The following LAMB3 variants were observed in gnomAD, a reference collection of about 807,000 sequenced individuals.
The protein encoded by LAMB3 is laminin subunit beta 3.
A neutral mutation model predicts 140.3 loss-of-function variants in LAMB3; 104 were observed. The observed-to-expected ratio is 0.74, with a 90% CI of 0.63 to 0.87. The LOEUF is 0.87. Among genes scored for constraint, LAMB3 ranks in the 40% least tolerant of loss-of-function variants. The probability of loss-of-function intolerance (pLI) is 0.00; values close to 1 mark genes in which losing one functional copy is unlikely to be tolerated. For missense variants in LAMB3, 1,531 were observed against 1,575.2 expected, an observed-to-expected ratio of 0.97 and a Z score of 0.47; for synonymous variants, 592 against 602.9, an observed-to-expected ratio of 0.98 and a Z score of 0.26.
chr1:209,620,839 G>A (rs1229908852), intron 18 of LAMB3, among the ~76,000 whole-genome samples: 3 of 152,198 alleles, frequency 2.0e-5, no homozygotes, highest in South Asian at 2.1e-4. Flanking sequence ...TGGGAAAGGC[G>A]ATGTTTCCTC....
chr1:209,634,675 T>G (rs1343260411), intron 5 of LAMB3, 37 bp from the exon 6 acceptor site: 1 of 1,546,910 alleles, frequency 6.5e-7, no homozygotes, highest in Non-Finnish European at 8.9e-7. Flanking sequence ...GGGGAGGCAC[T>G]GGGGCTGTGC....
intron 3 of LAMB3, among the ~76,000 whole-genome samples, chr1:209,648,037 T>C (rs1359092194): frequency 6.6e-6 from 1 of 152,042 alleles, no homozygotes; most frequent in Non-Finnish European, 1.5e-5. Flanking sequence ...CCAGAGGGGG[T>C]TCAGGGTACA....
At chr1:209,627,302 A>C (rs1490762275) in intron 12 of LAMB3, 81 bp downstream of exon 12, 1 of 1,181,104 alleles carries the variant, frequency 8.5e-7, no homozygotes, top group Non-Finnish European at 1.2e-6. Flanking sequence ...CTAGAAGGGC[A>C]GCATGGAGGG....
intron 9 of LAMB3, 172 bp downstream of exon 9, chr1:209,630,443 A>T: frequency 1.3e-6 from 1 of 761,896 alleles, no homozygotes; most frequent in Non-Finnish European, 2.1e-6. Flanking sequence ...TCACCCAAAT[A>T]CTCTCTCCAT....
chr1:209,641,394 C>A (rs1039810678), intron 3 of LAMB3, among the ~76,000 whole-genome samples: 3 of 152,138 alleles, frequency 2.0e-5, no homozygotes, highest in Admixed American at 6.5e-5. Context: ...GTAGTATTAG[C>A]CCCATTTACA....
intron 18 of LAMB3, among the ~76,000 whole-genome samples, chr1:209,621,724 C>A (rs528353215): frequency 4.9e-4 from 74 of 152,304 alleles, no homozygotes; most frequent in Non-Finnish European, 9.1e-4. Flanking sequence ...TCACACGAGT[C>A]TCCCGGGTCC....
At chr1:209,640,390 A>C (rs564093916) in intron 3 of LAMB3, among the ~76,000 whole-genome samples, 1 of 152,128 alleles carries the variant, frequency 6.6e-6, no homozygotes, top group African/African-American at 2.4e-5. Context: ...TCTACTAAAA[A>C]TACAAAAATT....
At chr1:209,618,132 A>G in intron 19 of LAMB3, 84 bp from the exon 20 acceptor site, 2 of 1,543,858 alleles carry the variant, frequency 1.3e-6, no homozygotes, top group Admixed American at 1.7e-5. Flanking sequence ...ACACCAGTCC[A>G]AAAGAACACC....
At chr1:209,631,456 G>A (rs887644486) in intron 8 of LAMB3, among the ~76,000 whole-genome samples, 9 of 152,116 alleles carry the variant, frequency 5.9e-5, no homozygotes, top group Admixed American at 2.6e-4. Flanking sequence ...CAGCTAGAAC[G>A]GCACCTCTCT....
At chr1:209,643,226 A>T (rs751429508) in intron 3 of LAMB3, among the ~76,000 whole-genome samples, 3 of 152,170 alleles carry the variant, frequency 2.0e-5, no homozygotes, top group Non-Finnish European at 1.5e-5. Flanking sequence ...TTATTCTTGT[A>T]TGCTTATATG....
rs1262228203 is a variant in LAMB3 at position 209,638,542 on chromosome 1, G to A, written c.290C>T (p.Ser97Leu). The A allele has an allele frequency of 6.2e-7, 1 of 1,605,140 alleles. No individual in the cohort carries two copies. ...AGATGGCAAATGCTCACCATTCTGT[G>A]ACTGCCACCAGCGCATGGGGCCGGA... ...SSSGPMRWWQ[S>L]QNDVNPVSLQ... The change falls in exon 4 of 23, where the codon TCA becomes TTA. Residue 97 changes from serine to leucine, a missense_variant. Ser to Leu is a moderately radical substitution (Grantham distance 145). Transcript: ENST00000356082.
Position 209,620,838 on chromosome 1 carries a change from C to T in LAMB3, c.2701+1698G>A, listed in dbSNP as rs747055373. Among the ~76,000 whole-genome samples the T allele has an allele frequency of 3.3e-5, 5 of 152,142 alleles. No homozygotes were observed. In the East Asian group the frequency reaches 9.6e-4, roughly 29 times the overall value. On this transcript the variant is annotated intron_variant, in intron 18 of 22. Transcript: ENST00000356082. ...ATTCCATTTGAAGAACTGGGAAAGGCGATGTTTCCTCCTCCCTCCACAGAC... is the reference window on the plus strand; with the variant it reads ...ATTCCATTTGAAGAACTGGGAAAGGTGATGTTTCCTCCTCCCTCCACAGAC...
At chr1:209,646,189 G>T (rs1165817674) in intron 3 of LAMB3, among the ~76,000 whole-genome samples, 2 of 152,194 alleles carry the variant, frequency 1.3e-5, no homozygotes, top group African/African-American at 4.8e-5. Context: ...AGAAATCAGG[G>T]ATGGAAAGCT....
chr1:209,637,796 G>A, intron 5 of LAMB3, 112 bp downstream of exon 5: 2 of 851,412 alleles, frequency 2.3e-6, no homozygotes, highest in Non-Finnish European at 3.9e-6. Context: ...ATAGGCTCAT[G>A]GTGAGTGTTG....
intron 8 of LAMB3, 89 bp from the exon 9 acceptor site, chr1:209,630,824 A>G: frequency 1.4e-6 from 2 of 1,462,104 alleles, no homozygotes; most frequent in Non-Finnish European, 1.9e-6. Context: ...CCCTCTGCGC[A>G]CCACTCAGGA....
Position 209,615,256 on chromosome 1 carries a change from C to T in LAMB3, c.*15G>A, listed in dbSNP as rs1558145204. On this transcript the variant is annotated 3_prime_UTR_variant, in exon 23 of 23. Transcript: ENST00000356082. ...GGCGGCAGATGAGTGGGGCAACGGG[C>T]TGGAAGCTGTAGCATCACTTGCAGG... is the stretch of plus-strand genomic sequence containing the variant. 5 of 1,613,928 alleles carry T rather than the reference C, an allele frequency of 3.1e-6. No individual in the cohort carries two copies. The highest frequency in any genetic ancestry group is 2.5e-6 in the Non-Finnish European group (3 of 1,180,030).
In LAMB3 at chr1:209,617,941, CG is replaced by C. The variant is rs1558147370; in HGVS notation, c.3016del (p.Arg1006AlafsTer24). On this transcript the variant is annotated frameshift_variant, in exon 20 of 23. Transcript: ENST00000356082. LOFTEE classifies it high-confidence loss of function. ...EAQDTMQGTS[R>X]SLRLIQDRVA... ...CCTGTCCTGGATAAGCCGAAGGGAG[CG>C]GCTGGTGCCTTGCATGGTGTCCTGA... 2 of 1,614,206 alleles carry C rather than the reference CG, an allele frequency of 1.2e-6. No homozygotes were observed. Among genetic ancestry groups the C allele is most frequent in the South Asian group, 2.2e-5 (2 of 91,084 alleles).
chr1:209,615,083 A>T lies in LAMB3; in HGVS notation c.*188T>A, dbSNP rs1006986604. ...CCACCATCTTTGTCTGTCAAGTGTA[A>T]CTGTCCCATTGGCTCAGGCTCAGCT... On this transcript the variant is annotated 3_prime_UTR_variant, in exon 23 of 23. Transcript: ENST00000356082. 1 of 633,454 alleles carries T rather than the reference A, an allele frequency of 1.6e-6. No homozygotes were observed. The highest frequency in any genetic ancestry group is 2.7e-6 in the Non-Finnish European group (1 of 364,918). 39.2% of individuals were successfully genotyped at this position (633,454 alleles called of 1,614,324 possible).
chr1:209,622,817 G>C (rs1187270965), intron 17 of LAMB3, 137 bp from the exon 18 acceptor site: 1 of 1,362,684 alleles, frequency 7.3e-7, no homozygotes, highest in East Asian at 2.3e-5. Context: ...ACATGTGGAT[G>C]TTCAGTAAAA....
Sources: allele counts gnomAD v4.1 joint callset (sites outside exome capture counted in the v4.1 genomes callset), GRCh38; gene constraint gnomAD v4.1.1; transcripts MANE v1.5; gene names NCBI Gene and HGNC (gene_info 2026-07-23, HGNC 2026-07-21).